C1orf87: variants seen among roughly 807,000 people sequenced by gnomAD.
C1orf87 encodes the protein chromosome 1 open reading frame 87.
In C1orf87, 58 loss-of-function variants were observed where a neutral mutation model predicts 60.5. The observed-to-expected ratio is 0.96, with a 90% confidence interval of 0.78 to 1.19. The LOEUF (loss-of-function observed/expected upper bound fraction) is 1.19, where lower values mean the gene tolerates loss of function less well. Ranked by LOEUF, C1orf87 falls within the 50% of genes most tolerant of loss-of-function variation. The pLI is 0.00. For missense variants in C1orf87, 673 were observed against 638.6 expected (o/e 1.05, Z -0.58); for synonymous variants, 236 against 227.4 (o/e 1.04, Z -0.34).
intron 2 of C1orf87, among the ~76,000 whole-genome samples, chr1:60,071,250 T>C (rs1047538187): frequency 6.6e-6 from 1 of 152,234 alleles, no homozygotes; most frequent in Non-Finnish European, 1.5e-5. Context: ...TTACTAAGCA[T>C]GTTATTTATA....
intron 8 of C1orf87, among the ~76,000 whole-genome samples, chr1:60,011,144 A>G (rs1446519208): frequency 6.6e-6 from 1 of 152,104 alleles, no homozygotes; most frequent in Non-Finnish European, 1.5e-5. Context: ...TGAATTCCCA[A>G]GTGGAAATTA....
chr1:60,042,782 G>A (rs1189384967), intron 3 of C1orf87, among the ~76,000 whole-genome samples: 1 of 152,180 alleles, frequency 6.6e-6, no homozygotes, highest in East Asian at 1.9e-4. Context: ...TTTGGGCCAG[G>A]CACTGTCATA....
intron 3 of C1orf87, among the ~76,000 whole-genome samples, chr1:60,051,592 G>A (rs746001825): frequency 4.5e-4 from 68 of 152,174 alleles, no homozygotes; most frequent in Non-Finnish European, 4.4e-4. Context: ...GCTCATATCT[G>A]TAGATGTGAG....
chr1:60,055,358 C>G lies in C1orf87; in HGVS notation c.188G>C (p.Arg63Thr). ...PMTDNARQMS[R>T]DTPVPINFTD... Reference sequence around the variant, plus strand: ...GAAGTTAATGGGAACTGGGGTGTCTCTGCTCATCTGCCTTGCATTATCAGT... The same window carrying G: ...GAAGTTAATGGGAACTGGGGTGTCTGTGCTCATCTGCCTTGCATTATCAGT... Residue 63 changes from arginine to threonine, a missense_variant, in exon 3 of 12, where the codon AGA becomes ACA. Physicochemically the swap from Arg to Thr is moderately conservative, Grantham distance 71. Coordinates refer to ENST00000371201, the MANE Select transcript of C1orf87 (RefSeq NM_152377.3). 1 of 1,614,158 alleles carries G rather than the reference C, an allele frequency of 6.2e-7. No individual in the cohort carries two copies. The highest frequency in any genetic ancestry group is 1.3e-5 in the African/African-American group (1 of 75,048).
At position 60,064,691 on chromosome 1, in the gene C1orf87, A is replaced by AT. The variant is rs1645526266; in HGVS notation, c.107+7845dup. Among the ~76,000 whole-genome samples the AT allele has an allele frequency of 2.8e-5, 3 of 105,988 alleles. No homozygotes were observed. The South Asian group carries it at 7.3e-4, about 26-fold the overall frequency. The allele number at this position is 105,988 out of a possible 152,430, so 69.5% of individuals were successfully genotyped here. ...ATTATATATAAATATATATTTATAT[A>AT]TAAATATATTATTTCAATATATATA... On this transcript the variant is annotated intron_variant, in intron 2 of 11. Transcript: ENST00000371201.
At chr1:60,012,182 A>G (rs1356754694) in intron 8 of C1orf87, among the ~76,000 whole-genome samples, 1 of 151,824 alleles carries the variant, frequency 6.6e-6, no homozygotes, top group Non-Finnish European at 1.5e-5. Context: ...TTTGATGAAA[A>G]AAAAAACACA....
intron 7 of C1orf87, among the ~76,000 whole-genome samples, chr1:60,032,976 G>A (rs1208138553): frequency 6.6e-6 from 1 of 152,038 alleles, no homozygotes; most frequent in South Asian, 2.1e-4. Flanking sequence ...GGGTTTATTT[G>A]GCTTCAGAAG....
chr1:60,025,627 C>A, intron 7 of C1orf87, 129 bp from the exon 8 acceptor site: 1 of 679,124 alleles, frequency 1.5e-6, no homozygotes, highest in Non-Finnish European at 2.3e-6. Flanking sequence ...GAATTAATAC[C>A]CAGGAGTACA....
chr1:60,007,282 A>G (rs955213469), intron 9 of C1orf87, among the ~76,000 whole-genome samples: 5 of 152,008 alleles, frequency 3.3e-5, no homozygotes, highest in African/African-American at 1.2e-4. Flanking sequence ...TTTCTATTGA[A>G]CTATATCACA....
intron 6 of C1orf87, among the ~76,000 whole-genome samples, chr1:60,036,258 T>C (rs1293308984): frequency 1.3e-5 from 2 of 152,128 alleles, no homozygotes; most frequent in African/African-American, 4.8e-5. Context: ...CAGCTCACAT[T>C]CAATAAGTGT....
chr1:60,053,114 G>A (rs1645426519), intron 3 of C1orf87, among the ~76,000 whole-genome samples: 2 of 152,228 alleles, frequency 1.3e-5, no homozygotes, highest in South Asian at 4.1e-4. Context: ...TGGTAATGGC[G>A]AATGCAGAGT....
At chr1:60,038,478 A>G (rs1041160265) in intron 5 of C1orf87, among the ~76,000 whole-genome samples, 1 of 152,072 alleles carries the variant, frequency 6.6e-6, no homozygotes, top group African/African-American at 2.4e-5. Flanking sequence ...TGGGTCCCAG[A>G]GCTAAAATGA....
At chr1:60,055,173 A>G in intron 3 of C1orf87, 31 bp downstream of exon 3, 8 of 1,521,896 alleles carry the variant, frequency 5.3e-6, no homozygotes, top group Non-Finnish European at 7.3e-6. Context: ...ATAAATTATC[A>G]AGATAAACGT....
At chr1:60,025,339 C>T (rs774389690) in intron 8 of C1orf87, 62 bp downstream of exon 8, 2 of 1,290,650 alleles carry the variant, frequency 1.5e-6, no homozygotes, top group East Asian at 2.3e-5. Context: ...AAAGCTTCAC[C>T]ATATCATTTG....
chr1:59,992,949 C>T (rs538177152), intron 11 of C1orf87, among the ~76,000 whole-genome samples: 127 of 152,278 alleles, frequency 8.3e-4, no homozygotes, highest in Non-Finnish European at 1.5e-3. Flanking sequence ...TTTGAGTTGG[C>T]CAATTGCATC....
intron 2 of C1orf87, among the ~76,000 whole-genome samples, chr1:60,067,908 A>C (rs958159162): frequency 9.2e-5 from 14 of 152,040 alleles, no homozygotes; most frequent in African/African-American, 2.7e-4. Context: ...TATAAGGTAT[A>C]AGGAAGGGGC....
chr1:60,040,867 A>C, intron 4 of C1orf87, 124 bp downstream of exon 4: 1 of 1,034,590 alleles, frequency 9.7e-7, no homozygotes, highest in Non-Finnish European at 1.3e-6. Context: ...TGCTGGCATT[A>C]CAGGTGTAAG....
chr1:60,045,397 C>T (rs1258162085), intron 3 of C1orf87, among the ~76,000 whole-genome samples: 1 of 151,870 alleles, frequency 6.6e-6, no homozygotes, highest in Non-Finnish European at 1.5e-5. Context: ...CAAATTAATA[C>T]AATACATATT....
chr1:60,058,715 T>C (rs17120074), intron 2 of C1orf87, among the ~76,000 whole-genome samples: 1,593 of 152,308 alleles, frequency 0.01, 43 homozygotes, highest in African/African-American at 0.036. Flanking sequence ...TTTTCAGTAG[T>C]GGAGCCAGGA....
Sources: allele counts gnomAD v4.1 joint callset (sites outside exome capture counted in the v4.1 genomes callset), GRCh38; gene constraint gnomAD v4.1.1; transcripts MANE v1.5; gene names NCBI Gene and HGNC (gene_info 2026-07-23, HGNC 2026-07-21).